The following ANO2 variants were observed in gnomAD, a reference collection of about 807,000 sequenced individuals.
ANO2 encodes the protein anoctamin-2.
A neutral mutation model predicts 124.2 loss-of-function variants in ANO2; 101 were observed. That is an observed-to-expected ratio of 0.81 (90% CI 0.69 to 0.96). The LOEUF (loss-of-function observed/expected upper bound fraction) is 0.96, where lower values mean the gene tolerates loss of function less well. Among genes scored for constraint, ANO2 ranks in the 40% least tolerant of loss-of-function variants. ANO2 has a pLI of 0.00. For missense variants in ANO2, 1,293 were observed against 1,274.5 expected (o/e 1.01, Z -0.22); for synonymous variants, 486 against 482.5 (o/e 1.01, Z -0.09).
chr12:5,927,049 C>A (rs772601867), intron 1 of ANO2, among the ~76,000 whole-genome samples: 1 of 152,196 alleles, frequency 6.6e-6, no homozygotes, highest in Non-Finnish European at 1.5e-5. Flanking sequence ...CTGCCTCCTT[C>A]ATCCGTCTCT....
At chr12:5,851,763 C>A (rs1313823889) in intron 4 of ANO2, among the ~76,000 whole-genome samples, 1 of 150,134 alleles carries the variant, frequency 6.7e-6, no homozygotes, top group African/African-American at 2.5e-5. Context: ...GAGGAGGCAT[C>A]AGAGGTGGGG....
intron 7 of ANO2, among the ~76,000 whole-genome samples, chr12:5,821,887 G>C (rs1412299250): frequency 6.6e-6 from 1 of 152,134 alleles, no homozygotes; most frequent in African/African-American, 2.4e-5. Flanking sequence ...ATGAGAAAGT[G>C]GCTCAAATGC....
intron 7 of ANO2, among the ~76,000 whole-genome samples, chr12:5,826,759 A>G (rs1047767731): frequency 1.3e-5 from 2 of 152,128 alleles, no homozygotes; most frequent in Non-Finnish European, 2.9e-5. Flanking sequence ...TGCCCTGGGT[A>G]CCCAGGCAGC....
At chr12:5,917,813 T>G (rs767232952) in intron 3 of ANO2, among the ~76,000 whole-genome samples, 2 of 151,974 alleles carry the variant, frequency 1.3e-5, no homozygotes, top group Non-Finnish European at 2.9e-5. Context: ...AAGCAATCCA[T>G]CCAACTCACC....
intron 14 of ANO2, among the ~76,000 whole-genome samples, chr12:5,710,491 T>C (rs975509877): frequency 6.6e-6 from 1 of 152,194 alleles, no homozygotes; most frequent in African/African-American, 2.4e-5. Flanking sequence ...TGGGGAGACC[T>C]CAAAGAATGG....
At chr12:5,575,778 T>G (rs1311662582) in intron 23 of ANO2, 56 bp downstream of exon 23, 5 of 1,563,226 alleles carry the variant, frequency 3.2e-6, no homozygotes, top group Non-Finnish European at 3.5e-6. Flanking sequence ...TCCCCGTAAT[T>G]ATTTGGATCT....
rs762198146 is a variant in ANO2 at position 5,635,138 on chromosome 12, C to T, written c.1816+14G>A. 4.5e-6 allele frequency: 7 copies of T among 1,555,480 alleles called. No homozygotes were observed. Among genetic ancestry groups the T allele is most frequent in the African/African-American group, 2.7e-5 (2 of 72,822 alleles). On this transcript the variant is annotated intron_variant, in intron 16 of 24. Coordinates refer to ENST00000682330, the MANE Select transcript of ANO2 (RefSeq NM_001364791.2). The surrounding 1 kb of genome is among the most constrained non-coding windows in gnomAD (Gnocchi z 5.2). ...GAGGGCCTAGGACAGCCAGAAGTCTCGGTGACACAGTACCAATTTTGGTGA... is the reference window on the plus strand; with the variant it reads ...GAGGGCCTAGGACAGCCAGAAGTCTTGGTGACACAGTACCAATTTTGGTGA...
At chr12:5,901,242 G>A (rs1439376667) in intron 3 of ANO2, among the ~76,000 whole-genome samples, 1 of 152,212 alleles carries the variant, frequency 6.6e-6, no homozygotes, top group Non-Finnish European at 1.5e-5. Context: ...GGAGGGAGAT[G>A]CTTGGAACAG....
At chr12:5,835,253 A>C (rs1394506300) in intron 4 of ANO2, among the ~76,000 whole-genome samples, 2 of 152,218 alleles carry the variant, frequency 1.3e-5, no homozygotes, top group East Asian at 3.9e-4. Context: ...TCTGACGGGC[A>C]ATAGTGACAA....
chr12:5,784,352 T>G (rs1393384813), intron 10 of ANO2, among the ~76,000 whole-genome samples: 1 of 152,196 alleles, frequency 6.6e-6, no homozygotes, highest in Non-Finnish European at 1.5e-5. Flanking sequence ...ATCAATCACC[T>G]TTTCCAACTT....
chr12:5,609,707 G>A (rs1029248470), intron 19 of ANO2, among the ~76,000 whole-genome samples: 2 of 151,744 alleles, frequency 1.3e-5, no homozygotes, highest in African/African-American at 2.4e-5. Context: ...GATAGATTTA[G>A]AGAGATTCTG....
chr12:5,710,985 C>T (rs1156611434), intron 14 of ANO2, among the ~76,000 whole-genome samples: 3 of 151,726 alleles, frequency 2.0e-5, no homozygotes, highest in African/African-American at 4.8e-5. Context: ...GGTGAAACCC[C>T]GTCTCTACTA....
At chr12:5,565,238 G>A (rs1941679236) in intron 24 of ANO2, among the ~76,000 whole-genome samples, 2 of 152,272 alleles carry the variant, frequency 1.3e-5, no homozygotes, top group Admixed American at 6.5e-5. Flanking sequence ...TGGGACTCTG[G>A]TTTCAATGGC....
intron 3 of ANO2, among the ~76,000 whole-genome samples, chr12:5,898,310 T>G (rs1939935044): frequency 6.6e-6 from 1 of 152,174 alleles, no homozygotes; most frequent in Non-Finnish European, 1.5e-5. Flanking sequence ...TATAAATTGA[T>G]GCAAACACTT....
Position 5,939,527 on chromosome 12 carries a change from G to A in ANO2, c.22+5669C>T, listed in dbSNP as rs1565798073. 2.0e-5 allele frequency among the ~76,000 whole-genome samples: 3 copies of A among 152,282 alleles called. No individual in the cohort carries two copies. The South Asian group carries it at 6.2e-4, about 32-fold the overall frequency. On this transcript the variant is annotated intron_variant, in intron 1 of 24. Transcript: ENST00000682330. ...GGTGGGTTAAATCTGTTAGGTTGGTGGAAATTTGGGAAAGGCTCTGTTGAG... is the reference window on the plus strand; with the variant it reads ...GGTGGGTTAAATCTGTTAGGTTGGTAGAAATTTGGGAAAGGCTCTGTTGAG...
chr12:5,659,526 A>G lies in ANO2; in HGVS notation c.1546-11725T>C, dbSNP rs115998986. ...CAGTCTAGGAGGGGAATCTTGGCAA[A>G]AGGGCATAAGGCAGTCATGTGGCAC... On this transcript the variant is annotated intron_variant, in intron 14 of 24. Coordinates refer to ENST00000682330, the MANE Select transcript of ANO2 (RefSeq NM_001364791.2). Among the ~76,000 whole-genome samples, 838 of 152,332 alleles carry G rather than the reference A, an allele frequency of 5.5e-3. 7 individuals carry two copies. The highest frequency in any genetic ancestry group is 0.019 in the African/African-American group (778 of 41,586).
intron 21 of ANO2, 45 bp from the exon 22 acceptor site, chr12:5,578,052 C>T (rs754467297): frequency 7.5e-6 from 12 of 1,590,646 alleles, no homozygotes; most frequent in Non-Finnish European, 9.5e-6. Flanking sequence ...CCGCCCTCGG[C>T]CCAGTGATGA....
intron 3 of ANO2, among the ~76,000 whole-genome samples, chr12:5,874,492 G>A (rs1192170225): frequency 6.6e-6 from 1 of 152,076 alleles, no homozygotes; most frequent in Non-Finnish European, 1.5e-5. Flanking sequence ...ACCTCAACAG[G>A]GCCTCAAATC....
intron 20 of ANO2, among the ~76,000 whole-genome samples, chr12:5,597,842 T>C (rs1321375576): frequency 6.6e-6 from 1 of 152,168 alleles, no homozygotes; most frequent in Non-Finnish European, 1.5e-5. Flanking sequence ...TTTGTGTAAA[T>C]ACAGCATCAG....
Sources: allele counts gnomAD v4.1 joint callset (sites outside exome capture counted in the v4.1 genomes callset), GRCh38; gene constraint gnomAD v4.1.1; non-coding constraint Gnocchi (gnomAD v3.1); transcripts MANE v1.5; gene names NCBI Gene and HGNC (gene_info 2026-07-23, HGNC 2026-07-21).